The following GABRB2 variants were observed in gnomAD, a reference collection of about 807,000 sequenced individuals.
GABRB2 encodes gamma-aminobutyric acid receptor subunit beta-2.
In GABRB2, 16 loss-of-function variants were observed where a neutral mutation model predicts 54.7. That is an observed-to-expected ratio of 0.29 (90% CI 0.20 to 0.44). The LOEUF is 0.44. GABRB2 is among the 20% of genes least tolerant of loss of function. The pLI, the probability that GABRB2 is intolerant of heterozygous loss-of-function variation, is 1.00. For synonymous variants in GABRB2, 244 were observed against 233.8 expected (o/e 1.04, Z -0.40); for missense variants, 355 against 644.0 (o/e 0.55, Z 4.86).
intron 5 of GABRB2, among the ~76,000 whole-genome samples, chr5:161,378,217 A>G (rs1459059009): frequency 1.3e-5 from 2 of 152,142 alleles, no homozygotes; most frequent in Admixed American, 1.3e-4. Flanking sequence ...AATTGGAAGG[A>G]TAATCATAGC....
At position 161,355,446 on chromosome 5, in the gene GABRB2, CATAT is replaced by C. The variant is rs776362775; in HGVS notation, c.542-18681_542-18678del. ...TACATGCATATGTATATAACACACA[CATAT>C]ATAACAACTATACACATACATATAT... On this transcript the variant is annotated intron_variant, in intron 5 of 9. Transcript: ENST00000393959. Among the ~76,000 whole-genome samples the C allele has an allele frequency of 2.0e-5, 3 of 150,976 alleles. No individual in the cohort carries two copies. The East Asian group carries it at 5.8e-4, about 29-fold the overall frequency.
chr5:161,436,650 A>G (rs1266915576), intron 4 of GABRB2, among the ~76,000 whole-genome samples: 2 of 152,192 alleles, frequency 1.3e-5, no homozygotes, highest in East Asian at 3.8e-4. Flanking sequence ...CTATCTACAC[A>G]GAAAAATATA....
chr5:161,418,100 T>C (rs1246217070), intron 4 of GABRB2, among the ~76,000 whole-genome samples: 2 of 152,222 alleles, frequency 1.3e-5, no homozygotes, highest in African/African-American at 2.4e-5. Context: ...ATTAAAGGGC[T>C]ACACAGGTTT....
At chr5:161,503,663 C>G (rs916245360) in intron 3 of GABRB2, among the ~76,000 whole-genome samples, 5 of 147,852 alleles carry the variant, frequency 3.4e-5, no homozygotes, top group African/African-American at 5.0e-5. Context: ...GAGCTGAGAT[C>G]GCGCCATTGC....
intron 3 of GABRB2, among the ~76,000 whole-genome samples, chr5:161,469,876 C>T (rs1434105366): frequency 6.6e-6 from 1 of 151,882 alleles, no homozygotes; most frequent in Admixed American, 6.6e-5. Flanking sequence ...CTGTTCTACT[C>T]ACTTCACCTT....
chr5:161,298,055 G>A lies in GABRB2; in HGVS notation c.1192-3627C>T, dbSNP rs375829925. ...CCAGTGATGATGAGCTTTTTTTCAC[G>A]TTTGTTGGCCACATAAATGTCTTCT... On this transcript the variant is annotated intron_variant, in intron 9 of 9. Coordinates refer to ENST00000393959, the MANE Select transcript of GABRB2 (RefSeq NM_001371727.1). Among the ~76,000 whole-genome samples the A allele has an allele frequency of 5.6e-4, 85 of 152,132 alleles. No individual in the cohort carries two copies. The South Asian group carries it at 8.5e-3, about 15-fold the overall frequency.
At chr5:161,390,588 T>C (rs564692276) in intron 5 of GABRB2, among the ~76,000 whole-genome samples, 1 of 152,222 alleles carries the variant, frequency 6.6e-6, no homozygotes, top group South Asian at 2.1e-4. Flanking sequence ...GACTGCCCCA[T>C]GGTCATGTAA....
chr5:161,524,685 T>C (rs1009639612), intron 3 of GABRB2, among the ~76,000 whole-genome samples: 4 of 151,346 alleles, frequency 2.6e-5, no homozygotes, highest in African/African-American at 4.8e-5. Flanking sequence ...AATAGATTAA[T>C]AGAATAGAAT....
chr5:161,461,164 G>A (rs963730897), intron 3 of GABRB2, among the ~76,000 whole-genome samples: 2 of 152,178 alleles, frequency 1.3e-5, no homozygotes, highest in East Asian at 3.9e-4. Flanking sequence ...GTAAGAGTTT[G>A]TAAATGAGAA....
intron 5 of GABRB2, among the ~76,000 whole-genome samples, chr5:161,340,638 A>G (rs1754129713): frequency 6.6e-6 from 1 of 151,954 alleles, no homozygotes. Flanking sequence ...CAACACTAAT[A>G]TAATAATAAT....
intron 3 of GABRB2, among the ~76,000 whole-genome samples, chr5:161,465,785 A>C (rs1758261160): frequency 6.6e-6 from 1 of 152,132 alleles, no homozygotes. Flanking sequence ...TGTCTTTTAC[A>C]TTCGTTTTAA....
chr5:161,432,083 C>T (rs1381492448), intron 4 of GABRB2, among the ~76,000 whole-genome samples: 2 of 152,212 alleles, frequency 1.3e-5, no homozygotes. Flanking sequence ...AATTGGTTAG[C>T]ACACTGCTTT....
At chr5:161,414,797 CAT>C (rs1185209286) in intron 4 of GABRB2, among the ~76,000 whole-genome samples, 2 of 151,732 alleles carry the variant, frequency 1.3e-5, no homozygotes, top group Admixed American at 6.6e-5. Context: ...GATCAATAAA[CAT>C]AAGCATCCCA....
intron 3 of GABRB2, among the ~76,000 whole-genome samples, chr5:161,521,664 T>C (rs934529600): frequency 2.6e-4 from 39 of 152,022 alleles, no homozygotes; most frequent in African/African-American, 9.4e-4. Flanking sequence ...TTAGTGTTGG[T>C]ATTATCATTG....
intron 3 of GABRB2, among the ~76,000 whole-genome samples, chr5:161,477,005 G>A (rs1274442029): frequency 3.3e-5 from 5 of 151,786 alleles, no homozygotes; most frequent in Non-Finnish European, 7.4e-5. Context: ...TAAGGAATGG[G>A]AGAAAATACT....
intron 4 of GABRB2, among the ~76,000 whole-genome samples, chr5:161,457,047 A>C (rs1292418604): frequency 1.3e-5 from 2 of 152,222 alleles, no homozygotes; most frequent in Admixed American, 1.3e-4. Flanking sequence ...GATATGCATA[A>C]ATTTCTCTCT....
chr5:161,300,500 A>T (rs767105599), intron 9 of GABRB2, among the ~76,000 whole-genome samples: 6 of 152,186 alleles, frequency 3.9e-5, no homozygotes, highest in Admixed American at 2.0e-4. Context: ...CATTTTAACA[A>T]TTCTGGGTTG....
intron 5 of GABRB2, among the ~76,000 whole-genome samples, chr5:161,394,898 A>G (rs1755949477): frequency 2.0e-5 from 3 of 152,104 alleles, no homozygotes; most frequent in Non-Finnish European, 4.4e-5. Context: ...GGCATTTCCA[A>G]AAGAAAAATA....
chr5:161,296,685 T>G (rs1031229403), intron 9 of GABRB2, among the ~76,000 whole-genome samples: 3 of 152,216 alleles, frequency 2.0e-5, no homozygotes, highest in Non-Finnish European at 4.4e-5. Flanking sequence ...TGATTGAACA[T>G]CCAATGTGTG....
Sources: gnomAD v4.1 joint callset for allele counts (sites outside exome capture counted in the v4.1 genomes callset) on GRCh38, gnomAD v4.1.1 for gene constraint, MANE v1.5 for transcripts, NCBI Gene and HGNC (gene_info 2026-07-23, HGNC 2026-07-21) for gene names.